KCNQ1: variants seen among roughly 807,000 people sequenced by gnomAD.
KCNQ1 encodes the protein potassium voltage-gated channel subfamily Q member 1.
A neutral mutation model predicts 72.4 loss-of-function variants in KCNQ1; 49 were observed. The observed-to-expected ratio is 0.68, with a 90% CI of 0.54 to 0.86. The LOEUF (loss-of-function observed/expected upper bound fraction) is 0.86, where lower values mean the gene tolerates loss of function less well. Ranked by LOEUF, KCNQ1 falls within the 40% of genes least tolerant of loss-of-function variation. The pLI, the probability that KCNQ1 is intolerant of heterozygous loss-of-function variation, is 0.00. For missense variants in KCNQ1, 790 were observed against 945.1 expected, an observed-to-expected ratio of 0.84 and a Z score of 2.15; for synonymous variants, 450 against 412.6, an observed-to-expected ratio of 1.09 and a Z score of -1.10.
rs905714536 is a variant in KCNQ1 at position 2,752,298 on chromosome 11, A to G, written c.1515-16546A>G. Among the ~76,000 whole-genome samples, 2 of 151,910 alleles carry G rather than the reference A, an allele frequency of 1.3e-5. No homozygotes were observed. Among genetic ancestry groups the G allele is most frequent in the Admixed American group, 6.6e-5 (1 of 15,238 alleles). On this transcript the variant is annotated intron_variant, in intron 11 of 15. Coordinates refer to ENST00000155840, the MANE Select transcript of KCNQ1 (RefSeq NM_000218.3). The surrounding 1 kb of genome is among the most constrained non-coding windows in gnomAD (Gnocchi z 5.2). ...ATCTGAACCCAGCTGAGTGGCTTCC[A>G]TGGAGCTGATCTGAACCCAGTTGAG...
rs1164071679 is a variant in KCNQ1 at position 2,643,760 on chromosome 11, A to AT, written c.1394-18195dup. On this transcript the variant is annotated intron_variant, in intron 10 of 15. Coordinates refer to ENST00000155840, the MANE Select transcript of KCNQ1 (RefSeq NM_000218.3). ...TTCTTCCTGTAAGACTCCCTTAAGC[A>AT]TTTTTTGTAGTGCCAGTGTAGTGGC... is the stretch of plus-strand genomic sequence containing the variant. The AT allele has an allele frequency of 2.0e-5, 8 of 398,402 alleles. No individual in the cohort carries two copies. The South Asian group carries it at 3.8e-4, about 19-fold the overall frequency. 24.7% of individuals were successfully genotyped at this position (398,402 alleles called of 1,614,324 possible).
At position 2,563,478 on chromosome 11, in the gene KCNQ1, A is replaced by G. The variant is rs1180981606; in HGVS notation, c.478-7150A>G. 6.6e-6 allele frequency among the ~76,000 whole-genome samples: 1 copy of G among 152,202 alleles called. No homozygotes were observed. The highest frequency in any genetic ancestry group is 2.4e-5 in the African/African-American group (1 of 41,452). On this transcript the variant is annotated intron_variant, in intron 2 of 15. Coordinates refer to ENST00000155840, the MANE Select transcript of KCNQ1 (RefSeq NM_000218.3). The surrounding 1 kb of genome is among the most constrained non-coding windows in gnomAD (Gnocchi z 7.4). ...CAGCATGGGGTCGGCCTGCGGGGCC[A>G]TGTGTCTCCTCCTGTGTGACCTTGA... is the stretch of plus-strand genomic sequence containing the variant.
rs1240145283 is a variant in KCNQ1 at position 2,720,695 on chromosome 11, T to C, written c.1515-48149T>C. On this transcript the variant is annotated intron_variant, in intron 11 of 15. Coordinates refer to ENST00000155840, the MANE Select transcript of KCNQ1 (RefSeq NM_000218.3). This position sits in a 1 kb window ranked among gnomAD's most constrained non-coding sequence, Gnocchi z 5.1. ...ACAGCATTAGCCACCACCAGCCCCT[T>C]CCCCCTTTTGCAGGGCGGCTCCCAG... is the stretch of plus-strand genomic sequence containing the variant. Among the ~76,000 whole-genome samples the C allele has an allele frequency of 6.6e-6, 1 of 152,048 alleles. No homozygotes were observed.
rs1262528625 is a variant in KCNQ1 at position 2,683,843 on chromosome 11, C to A, written c.1514+21762C>A. 2.5e-6 allele frequency: 1 copy of A among 398,530 alleles called. No homozygotes were observed. Among genetic ancestry groups the A allele is most frequent in the Non-Finnish European group, 4.4e-6 (1 of 226,092 alleles). 24.7% of individuals were successfully genotyped at this position (398,530 alleles called of 1,614,324 possible). A position where few individuals can be genotyped will look rare whatever the true frequency, so the allele number is the denominator to read the frequency against. ...CAGAATGGCTTTGTTGGATTCCCCT[C>A]CCTGGCCCCACACTCACTGCTACAT... On this transcript the variant is annotated intron_variant, in intron 11 of 15. Transcript: ENST00000155840. This position sits in a 1 kb window ranked among gnomAD's most constrained non-coding sequence, Gnocchi z 4.7.
chr11:2,641,833 G>T (rs771511023), intron 10 of KCNQ1: 7 of 398,140 alleles, frequency 1.8e-5, no homozygotes, highest in Admixed American at 4.4e-5. Flanking sequence ...AGATAGAAAC[G>T]GTTTCATTTT....
At chr11:2,639,664 C>A (rs1372550571) in intron 10 of KCNQ1, 2 of 152,542 alleles carry the variant, frequency 1.3e-5, no homozygotes, top group South Asian at 4.1e-4. Context: ...GGGTCAGGGA[C>A]CCACTTGAGG....
Position 2,445,352 on chromosome 11 carries a change from T to C in KCNQ1, c.254T>C (p.Val85Ala). ...TCCGACCTTGGCCCGCGGCCGCCGG[T>C]GAGCCTAGACCCGCGCGTCTCCATC... Reference protein sequence around the residue: ...VASDLGPRPPVSLDPRVSIYS... With the variant: ...VASDLGPRPPASLDPRVSIYS... The change falls in exon 1 of 16, where the codon GTG becomes GCG. Residue 85 changes from valine (V) to alanine (A), a missense_variant. This residue lies in a region of KCNQ1 where 294 missense variants were observed against 323.3 expected (regional missense o/e 0.91). Transcript: ENST00000155840. The C allele has an allele frequency of 1.9e-6, 3 of 1,593,890 alleles. No individual in the cohort carries two copies. Among genetic ancestry groups the C allele is most frequent in the South Asian group, 2.2e-5 (2 of 90,632 alleles).
chr11:2,480,523 A>G (rs1846635537), intron 1 of KCNQ1, among the ~76,000 whole-genome samples: 3 of 152,190 alleles, frequency 2.0e-5, no homozygotes, highest in Non-Finnish European at 4.4e-5. Context: ...CGAGAACAAT[A>G]TGGGAGAAAC....
At chr11:2,453,099 TG>T (rs1565026287) in intron 1 of KCNQ1, among the ~76,000 whole-genome samples, 2 of 152,198 alleles carry the variant, frequency 1.3e-5, no homozygotes, top group Non-Finnish European at 2.9e-5. Flanking sequence ...CTTGGCTGGG[TG>T]CGGTGGCTCA....
intron 1 of KCNQ1, among the ~76,000 whole-genome samples, chr11:2,514,165 C>T (rs902759610): frequency 2.6e-5 from 4 of 152,212 alleles, no homozygotes; most frequent in South Asian, 2.1e-4. Flanking sequence ...TACCTTACCT[C>T]GCTGGCGGCC....
At chr11:2,721,234 CCT>C (rs960064083) in intron 11 of KCNQ1, among the ~76,000 whole-genome samples, 8 of 152,298 alleles carry the variant, frequency 5.3e-5, no homozygotes, top group South Asian at 2.1e-4. Context: ...ATTTCTTCCC[CCT>C]GTTTGTCCTA....
chr11:2,621,249 A>T lies in KCNQ1; in HGVS notation c.1393+32395A>T, dbSNP rs778680379. On this transcript the variant is annotated intron_variant, in intron 10 of 15. Coordinates refer to ENST00000155840, the MANE Select transcript of KCNQ1 (RefSeq NM_000218.3). This position sits in a 1 kb window ranked among gnomAD's most constrained non-coding sequence, Gnocchi z 5.7. ...CACCTCAGCCTCCCAAAGTGCTAGGACTACAGGCATGAGCCACCGTGCCTG... is the reference window on the plus strand; with the variant it reads ...CACCTCAGCCTCCCAAAGTGCTAGGTCTACAGGCATGAGCCACCGTGCCTG... The T allele has an allele frequency of 2.0e-5, 8 of 398,230 alleles. No homozygotes were observed. In the East Asian group the frequency reaches 2.1e-4, roughly 11 times the overall value. The allele number at this position is 398,230 out of a possible 1,614,324, so 24.7% of individuals were successfully genotyped here. A position where few individuals can be genotyped will look rare whatever the true frequency, so the allele number is the denominator to read the frequency against.
At chr11:2,616,565 A>G (rs1384786504) in intron 10 of KCNQ1, 4 of 397,962 alleles carry the variant, frequency 1.0e-5, no homozygotes, top group African/African-American at 6.2e-5. Flanking sequence ...ACTACATCCC[A>G]TAAGTCTGAG....
At chr11:2,557,693 A>G (rs1848093326) in intron 2 of KCNQ1, among the ~76,000 whole-genome samples, 2 of 152,176 alleles carry the variant, frequency 1.3e-5, no homozygotes, top group Non-Finnish European at 2.9e-5. Context: ...GGCTGCATGG[A>G]TTCCTCACAT....
At chr11:2,791,614 C>A (rs1312293535) in intron 15 of KCNQ1, among the ~76,000 whole-genome samples, 1 of 152,114 alleles carries the variant, frequency 6.6e-6, no homozygotes, top group African/African-American at 2.4e-5. Flanking sequence ...ACGGGGCGAA[C>A]CGGCGGCACA....
chr11:2,651,255 C>T lies in KCNQ1; in HGVS notation c.1394-10706C>T, dbSNP rs1369554510. On this transcript the variant is annotated intron_variant, in intron 10 of 15. Coordinates refer to ENST00000155840, the MANE Select transcript of KCNQ1 (RefSeq NM_000218.3). This position sits in a 1 kb window ranked among gnomAD's most constrained non-coding sequence, Gnocchi z 6.1. ...CACACAGCTTAATTCAGGAATTAAG[C>T]TGTGCTGGTCACTTATTGAGAAAGA... is the stretch of plus-strand genomic sequence containing the variant. The T allele has an allele frequency of 5.0e-6, 2 of 398,550 alleles. No individual in the cohort carries two copies. Among genetic ancestry groups the T allele is most frequent in the African/African-American group, 4.1e-5 (2 of 48,646 alleles). The allele number at this position is 398,550 out of a possible 1,614,324, so 24.7% of individuals were successfully genotyped here.
rs953834663 is a variant in KCNQ1 at position 2,653,985 on chromosome 11, C to T, written c.1394-7976C>T. 14 of 398,556 alleles carry T rather than the reference C, an allele frequency of 3.5e-5. No individual in the cohort carries two copies. The highest frequency in any genetic ancestry group is 6.2e-5 in the Non-Finnish European group (14 of 226,086). 24.7% of individuals were successfully genotyped at this position (398,556 alleles called of 1,614,324 possible). A position where few individuals can be genotyped will look rare whatever the true frequency, so the allele number is the denominator to read the frequency against. On this transcript the variant is annotated intron_variant, in intron 10 of 15. Transcript: ENST00000155840. This position sits in a 1 kb window ranked among gnomAD's most constrained non-coding sequence, Gnocchi z 5.3. ...CACTCAAGCAAGGTATTTTCCTAAG[C>T]GGAACTGGGTGCCAGCTGTGAATAT...
In KCNQ1 at chr11:2,445,027, C is replaced by T; in HGVS notation, c.-72C>T. On this transcript the variant is annotated 5_prime_UTR_variant, in exon 1 of 16. Coordinates refer to ENST00000155840, the MANE Select transcript of KCNQ1 (RefSeq NM_000218.3). ...GGCAGCAGTGGCTGCCCGCACTGCG[C>T]CCGGGCGCTCGCCTTCGCTGCAGCT... The T allele has an allele frequency of 3.0e-6, 3 of 1,001,036 alleles. No individual in the cohort carries two copies. Among genetic ancestry groups the T allele is most frequent in the Non-Finnish European group, 3.6e-6 (3 of 835,934 alleles). The allele number at this position is 1,001,036 out of a possible 1,614,324, so 62.0% of individuals were successfully genotyped here. A position where few individuals can be genotyped will look rare whatever the true frequency, so the allele number is the denominator to read the frequency against.
chr11:2,637,749 C>T (rs535173778), intron 10 of KCNQ1: 3 of 152,266 alleles, frequency 2.0e-5, no homozygotes, highest in Admixed American at 1.3e-4. Flanking sequence ...TGTTAACTTC[C>T]GGTCTTGTTG....
Sources: allele counts gnomAD v4.1 joint callset (sites outside exome capture counted in the v4.1 genomes callset), GRCh38; gene constraint gnomAD v4.1.1; regional missense constraint gnomAD v4.1.1; non-coding constraint Gnocchi (gnomAD v3.1); transcripts MANE v1.5; gene names NCBI Gene and HGNC (gene_info 2026-07-23, HGNC 2026-07-21).